The following ATP10B variants were observed in gnomAD, a reference collection of about 807,000 sequenced individuals.
ATP10B encodes the protein phospholipid-transporting ATPase VB.
ATP10B carries 122 observed loss-of-function variants against 141.2 expected under a neutral mutation model. The observed-to-expected ratio is 0.86, with a 90% CI of 0.75 to 1.00. ATP10B has a LOEUF of 1.00. Among genes scored for constraint, ATP10B ranks in the 50% least tolerant of loss-of-function variants. The pLI is 0.00. For missense variants in ATP10B, 1,876 were observed against 1,825.3 expected, an observed-to-expected ratio of 1.03 and a Z score of -0.51; for synonymous variants, 685 against 692.0, an observed-to-expected ratio of 0.99 and a Z score of 0.16.
intron 3 of ATP10B, among the ~76,000 whole-genome samples, chr5:160,705,554 GC>G (rs1398189578): frequency 1.3e-5 from 2 of 152,128 alleles, no homozygotes; most frequent in East Asian, 3.9e-4. Flanking sequence ...GAGCCACCAT[GC>G]CCAGCCCCAA....
the ATP10B span, among the ~76,000 whole-genome samples, chr5:160,887,073 C>G: frequency 6.6e-6 from 1 of 152,138 alleles, no homozygotes; most frequent in Non-Finnish European, 1.5e-5. Flanking sequence ...TTTGCAAACT[C>G]TAATGTAATT....
intron 1 of ATP10B, among the ~76,000 whole-genome samples, chr5:160,795,958 T>A (rs1394558655): frequency 1.3e-5 from 2 of 152,114 alleles, no homozygotes; most frequent in East Asian, 3.9e-4. Context: ...CCCTAGAAAA[T>A]AAACACAGTC....
intron 10 of ATP10B, 30 bp from the exon 11 acceptor site, chr5:160,636,339 T>A: frequency 1.9e-6 from 3 of 1,607,270 alleles, no homozygotes; most frequent in Non-Finnish European, 1.7e-6. Flanking sequence ...GGAATGAGGC[T>A]GAATCTCTAC....
At chr5:160,668,829 AT>A (rs1762484993) in intron 7 of ATP10B, among the ~76,000 whole-genome samples, 1 of 152,192 alleles carries the variant, frequency 6.6e-6, no homozygotes, top group Non-Finnish European at 1.5e-5. Context: ...TATTCCCATG[AT>A]ATGCATGAGA....
chr5:160,769,683 A>G (rs1301503234), intron 2 of ATP10B, among the ~76,000 whole-genome samples: 1 of 152,236 alleles, frequency 6.6e-6, no homozygotes, highest in Non-Finnish European at 1.5e-5. Flanking sequence ...TCACCTCCTG[A>G]GGACCACTTA....
the ATP10B span, among the ~76,000 whole-genome samples, chr5:160,891,008 T>C: frequency 7.2e-5 from 11 of 151,868 alleles, no homozygotes; most frequent in South Asian, 2.1e-4. Flanking sequence ...TGTGCGTGTG[T>C]GTGTGTGTGT....
intron 13 of ATP10B, among the ~76,000 whole-genome samples, chr5:160,628,930 T>C (rs957413036): frequency 4.6e-5 from 7 of 152,048 alleles, no homozygotes; most frequent in African/African-American, 1.5e-4. Context: ...GTTTCTTGTT[T>C]TTTTTTGTCA....
the ATP10B span, among the ~76,000 whole-genome samples, chr5:160,885,977 C>A: frequency 3.9e-5 from 6 of 152,238 alleles, no homozygotes; most frequent in East Asian, 1.2e-3. Flanking sequence ...TTTTGAGAAA[C>A]AATAGGTGAT....
the ATP10B span, among the ~76,000 whole-genome samples, chr5:160,857,971 T>A: frequency 1.2e-3 from 182 of 152,110 alleles, no homozygotes; most frequent in Non-Finnish European, 2.2e-3. Context: ...AGAATGAATA[T>A]TCTACTTTTC....
At chr5:160,629,797 A>C (rs940617343) in intron 13 of ATP10B, among the ~76,000 whole-genome samples, 1 of 152,224 alleles carries the variant, frequency 6.6e-6, no homozygotes, top group Non-Finnish European at 1.5e-5. Context: ...GAGCTAGTAC[A>C]TGGGGTAGCT....
At chr5:160,881,835 T>C in the ATP10B span, among the ~76,000 whole-genome samples, 1 of 151,786 alleles carries the variant, frequency 6.6e-6, no homozygotes, top group Non-Finnish European at 1.5e-5. Context: ...AATAAAACAA[T>C]AATAATAATT....
At chr5:160,727,256 C>G (rs537044773) in intron 2 of ATP10B, among the ~76,000 whole-genome samples, 6 of 152,324 alleles carry the variant, frequency 3.9e-5, no homozygotes, top group African/African-American at 1.4e-4. Flanking sequence ...ACAAACACCA[C>G]AAGGGATAGG....
chr5:160,831,383 T>C (rs1469304143), intron 1 of ATP10B, among the ~76,000 whole-genome samples: 2 of 152,060 alleles, frequency 1.3e-5, no homozygotes, highest in Non-Finnish European at 2.9e-5. Context: ...GCAGAACACA[T>C]TACCCCTACT....
At chr5:160,591,677 C>G (rs1363118878) in intron 22 of ATP10B, among the ~76,000 whole-genome samples, 2 of 152,156 alleles carry the variant, frequency 1.3e-5, no homozygotes, top group Non-Finnish European at 2.9e-5. Flanking sequence ...CAGAAACAAG[C>G]CTTCTCAGGC....
intron 21 of ATP10B, among the ~76,000 whole-genome samples, chr5:160,602,228 T>G (rs1757135039): frequency 6.6e-6 from 1 of 152,230 alleles, no homozygotes; most frequent in South Asian, 2.1e-4. Context: ...CCACCCATTT[T>G]ACAGATGGTA....
chr5:160,592,623 C>T (rs559119341), intron 22 of ATP10B, among the ~76,000 whole-genome samples: 13 of 152,338 alleles, frequency 8.5e-5, no homozygotes, highest in East Asian at 1.9e-4. Context: ...TTGCCTCATT[C>T]GGGAAGCACA....
chr5:160,602,416 C>G (rs1757143857), intron 21 of ATP10B, 161 bp downstream of exon 21: 3 of 897,324 alleles, frequency 3.3e-6, no homozygotes, highest in African/African-American at 1.7e-5. Context: ...GAGTCTAGCT[C>G]AAGGTCACAG....
chr5:160,809,817 T>C (rs536963762), intron 1 of ATP10B, among the ~76,000 whole-genome samples: 3 of 152,334 alleles, frequency 2.0e-5, no homozygotes, highest in South Asian at 4.1e-4. Context: ...CATTGGTATG[T>C]GCAGAAGGGA....
the ATP10B span, among the ~76,000 whole-genome samples, chr5:160,911,342 T>C: frequency 1.1e-4 from 16 of 152,156 alleles, no homozygotes; most frequent in Non-Finnish European, 2.1e-4. Context: ...TTTAAAACAA[T>C]GACTGAGAAC....
Sources: allele counts gnomAD v4.1 joint callset (sites outside exome capture counted in the v4.1 genomes callset), GRCh38; gene constraint gnomAD v4.1.1; transcripts MANE v1.5; gene names NCBI Gene and HGNC (gene_info 2026-07-23, HGNC 2026-07-21).